Variants in PTPN14 observed in about 807,000 individuals in gnomAD.
PTPN14 encodes protein tyrosine phosphatase non-receptor type 14, also known as tyrosine-protein phosphatase non-receptor type 14.
PTPN14 carries 53 observed loss-of-function variants against 126.8 expected under a neutral mutation model. That is an observed-to-expected ratio of 0.42 (90% CI 0.34 to 0.53). The LOEUF is 0.53. PTPN14 is among the 20% of genes least tolerant of loss of function. The pLI is 0.08. For missense variants in PTPN14, 1,257 were observed against 1,552.9 expected (o/e 0.81, Z 3.20); for synonymous variants, 630 against 599.3 (o/e 1.05, Z -0.75).
intron 1 of PTPN14, among the ~76,000 whole-genome samples, chr1:214,507,536 T>C (rs1278905634): frequency 6.6e-6 from 1 of 152,224 alleles, no homozygotes; most frequent in African/African-American, 2.4e-5. Flanking sequence ...ACAATGAAAC[T>C]ACAAATCAGC....
intron 1 of PTPN14, among the ~76,000 whole-genome samples, chr1:214,543,741 C>G (rs997955233): frequency 6.6e-6 from 1 of 151,938 alleles, no homozygotes; most frequent in Non-Finnish European, 1.5e-5. Flanking sequence ...AAGTGATTCT[C>G]CTGAGTAGCT....
chr1:214,383,349 G>A lies in PTPN14; in HGVS notation c.2506C>T (p.Leu836=). Residue 836 remains leucine (L), a synonymous_variant, in exon 13 of 19, where the codon CTG becomes TTG. Transcript: ENST00000366956. This position sits in a 1 kb window ranked among gnomAD's most constrained non-coding sequence, Gnocchi z 4.4. Reference sequence around the variant, plus strand: ...TCTCTCTCTATAATGCTGTCTTCCAGGGAAAACATTTCAGACACAGGTCTC... The same window carrying A: ...TCTCTCTCTATAATGCTGTCTTCCAAGGAAAACATTTCAGACACAGGTCTC... ...KERPVSEMFS[L]EDSIIEREMM... 1.2e-6 allele frequency: 2 copies of A among 1,614,192 alleles called. No homozygotes were observed. Among genetic ancestry groups the A allele is most frequent in the Non-Finnish European group, 1.7e-6 (2 of 1,180,010 alleles).
At chr1:214,433,653 A>G (rs995442959) in intron 3 of PTPN14, among the ~76,000 whole-genome samples, 5 of 152,018 alleles carry the variant, frequency 3.3e-5, no homozygotes, top group African/African-American at 7.2e-5. Context: ...CTTAAGAAAA[A>G]GGTTGTATTC....
intron 1 of PTPN14, among the ~76,000 whole-genome samples, chr1:214,522,163 G>A (rs1434149380): frequency 6.6e-6 from 1 of 151,886 alleles, no homozygotes; most frequent in Non-Finnish European, 1.5e-5. Context: ...TTGAACTCCT[G>A]GCCTCAAGTG....
At chr1:214,433,944 A>ACC (rs1659850738) in intron 3 of PTPN14, among the ~76,000 whole-genome samples, 1 of 16,400 alleles carries the variant, frequency 6.1e-5, no homozygotes, top group Admixed American at 5.5e-4. Context: ...ACACACACAC[A>ACC]CACACACAAA....
chr1:214,369,892 T>C (rs565539074), intron 16 of PTPN14, among the ~76,000 whole-genome samples: 1 of 152,254 alleles, frequency 6.6e-6, no homozygotes, highest in Admixed American at 6.5e-5. Context: ...GTTACATCAA[T>C]GGAAAATTTA....
At chr1:214,545,675 T>G (rs542874100) in intron 1 of PTPN14, among the ~76,000 whole-genome samples, 1 of 152,120 alleles carries the variant, frequency 6.6e-6, no homozygotes, top group Non-Finnish European at 1.5e-5. Context: ...GATTTGTTAC[T>G]GGGGTTTGAG....
Position 214,433,949 on chromosome 1 carries a change from CACA to C in PTPN14, c.344+17853_344+17855del, listed in dbSNP as rs1193362717. Among the ~76,000 whole-genome samples, 461 of 68,580 alleles carry C rather than the reference CACA, an allele frequency of 6.7e-3. 1 individual carries two copies. The highest frequency in any genetic ancestry group is 0.03 in the African/African-American group (435 of 14,504). The allele number at this position is 68,580 out of a possible 152,430, so 45.0% of individuals were successfully genotyped here. Reference sequence around the variant, plus strand: ...ACACACACACACACACACACACACACACAAAAAAAAAAAAAAAAAAAAACTCAA... The same window carrying C: ...ACACACACACACACACACACACACACAAAAAAAAAAAAAAAAAAAACTCAA... On this transcript the variant is annotated intron_variant, in intron 3 of 18. Transcript: ENST00000366956.
At chr1:214,438,280 T>C (rs1198532189) in intron 3 of PTPN14, among the ~76,000 whole-genome samples, 1 of 152,196 alleles carries the variant, frequency 6.6e-6, no homozygotes, top group African/African-American at 2.4e-5. Context: ...CGCTTTATCC[T>C]GTCTCCTTGC....
At chr1:214,410,378 T>G (rs140838241) in intron 5 of PTPN14, among the ~76,000 whole-genome samples, 2,598 of 149,822 alleles carry the variant, frequency 0.017, 83 homozygotes, top group African/African-American at 0.06. Context: ...CACTGCAACC[T>G]CCACCAGGGG....
intron 3 of PTPN14, among the ~76,000 whole-genome samples, chr1:214,427,740 G>A (rs1659700237): frequency 6.6e-6 from 1 of 152,016 alleles, no homozygotes; most frequent in Non-Finnish European, 1.5e-5. Flanking sequence ...GTAGGAGGTG[G>A]TCAAGAAAGG....
At chr1:214,362,076 T>TG (rs11368975) in intron 18 of PTPN14, among the ~76,000 whole-genome samples, 122,578 of 152,140 alleles carry the variant, frequency 0.81, 49,939 homozygotes, top group African/African-American at 0.93. Context: ...AGGAGAAAAA[T>TG]GGTCCCACAA....
chr1:214,436,965 T>A (rs1389535772), intron 3 of PTPN14, among the ~76,000 whole-genome samples: 2 of 151,430 alleles, frequency 1.3e-5, no homozygotes, highest in Non-Finnish European at 2.9e-5. Context: ...GTCACAGATG[T>A]CTGGAAAATT....
intron 1 of PTPN14, among the ~76,000 whole-genome samples, chr1:214,521,585 T>G (rs1241047723): frequency 1.3e-5 from 2 of 152,016 alleles, no homozygotes; most frequent in Non-Finnish European, 2.9e-5. Flanking sequence ...CGTGGTGGCG[T>G]GTGCCTGTAA....
chr1:214,515,622 G>C (rs1257213407), intron 1 of PTPN14, among the ~76,000 whole-genome samples: 1 of 152,090 alleles, frequency 6.6e-6, no homozygotes, highest in Non-Finnish European at 1.5e-5. Context: ...ATTTAAATCT[G>C]ATATTTCTGT....
intron 1 of PTPN14, among the ~76,000 whole-genome samples, chr1:214,536,292 T>C (rs893372568): frequency 2.6e-5 from 4 of 152,024 alleles, no homozygotes; most frequent in Non-Finnish European, 4.4e-5. Flanking sequence ...CCTATGGTCT[T>C]AGCTACTTAG....
chr1:214,464,555 C>T (rs1250419500), intron 2 of PTPN14, 75 bp downstream of exon 2: 3 of 1,540,272 alleles, frequency 1.9e-6, no homozygotes, highest in Non-Finnish European at 2.7e-6. Context: ...GATGGCTGGT[C>T]CCTTCGGTGA....
intron 1 of PTPN14, among the ~76,000 whole-genome samples, chr1:214,546,492 C>T (rs544559493): frequency 3.3e-5 from 5 of 152,136 alleles, no homozygotes; most frequent in Non-Finnish European, 5.9e-5. Flanking sequence ...TCCCTGTGAA[C>T]GCAAAACTTG....
At chr1:214,376,997 T>C (rs1027618978) in intron 14 of PTPN14, among the ~76,000 whole-genome samples, 6 of 152,238 alleles carry the variant, frequency 3.9e-5, no homozygotes, top group Admixed American at 2.0e-4. Flanking sequence ...ATTACATTTA[T>C]ACAACCTGTT....
Sources: gnomAD v4.1 joint callset for allele counts (sites outside exome capture counted in the v4.1 genomes callset) on GRCh38, gnomAD v4.1.1 for gene constraint, Gnocchi (gnomAD v3.1) non-coding constraint, MANE v1.5 for transcripts, NCBI Gene and HGNC (gene_info 2026-07-23, HGNC 2026-07-21) for gene names.